CEP128: variants seen among roughly 807,000 people sequenced by gnomAD.
CEP128 encodes the protein centrosomal protein 128kDa.
Under a neutral mutation model 156.7 loss-of-function variants are expected in CEP128, and 132 were observed. That is an observed-to-expected ratio of 0.84 (90% CI 0.73 to 0.97). CEP128 has a LOEUF of 0.97. Among genes scored for constraint, CEP128 ranks in the 50% least tolerant of loss-of-function variants. The pLI is 0.00. For missense variants in CEP128, 1,252 were observed against 1,281.9 expected (o/e 0.98, Z 0.36); for synonymous variants, 469 against 448.9 (o/e 1.04, Z -0.57).
At chr14:80,662,840 G>A (rs1282196442) in intron 19 of CEP128, among the ~76,000 whole-genome samples, 1 of 152,128 alleles carries the variant, frequency 6.6e-6, no homozygotes, top group African/African-American at 2.4e-5. Context: ...TGATAGAAAT[G>A]TCCTATATCT....
chr14:80,567,203 T>G (rs1890950482), intron 20 of CEP128, among the ~76,000 whole-genome samples: 1 of 152,150 alleles, frequency 6.6e-6, no homozygotes, highest in South Asian at 2.1e-4. Flanking sequence ...GGTGGGTGTT[T>G]TAGTTTGTGG....
At chr14:80,782,521 T>C (rs953264312) in intron 15 of CEP128, among the ~76,000 whole-genome samples, 4 of 152,214 alleles carry the variant, frequency 2.6e-5, no homozygotes, top group Non-Finnish European at 4.4e-5. Flanking sequence ...TCATCTTCAC[T>C]GCTCCTAATT....
intron 4 of CEP128, among the ~76,000 whole-genome samples, chr14:80,908,333 C>A (rs1380384556): frequency 6.6e-6 from 1 of 152,098 alleles, no homozygotes; most frequent in African/African-American, 2.4e-5. Flanking sequence ...TACCTTTTTA[C>A]CAAATGCTGT....
intron 19 of CEP128, among the ~76,000 whole-genome samples, chr14:80,596,820 A>AAG (rs1491189810): frequency 1.2e-4 from 2 of 16,880 alleles, no homozygotes; most frequent in Non-Finnish European, 3.3e-4. Context: ...ACACTGTCAC[A>AAG]AAAAAAAAAA....
At chr14:80,737,382 C>T (rs541485565) in intron 19 of CEP128, among the ~76,000 whole-genome samples, 201 of 148,476 alleles carry the variant, frequency 1.4e-3, no homozygotes, top group African/African-American at 4.7e-3. Flanking sequence ...CCAGCCTGGG[C>T]GACAGAGCAA....
intron 14 of CEP128, among the ~76,000 whole-genome samples, chr14:80,482,680 G>A (rs1333352242): frequency 2.0e-5 from 3 of 152,176 alleles, no homozygotes; most frequent in East Asian, 1.9e-4. Context: ...TGAAAAAGCC[G>A]AACCTTGGGA....
chr14:80,485,235 C>T (rs987634675), intron 14 of CEP128, among the ~76,000 whole-genome samples: 1 of 152,014 alleles, frequency 6.6e-6, no homozygotes, highest in Admixed American at 6.6e-5. Context: ...GTAAAGGTTG[C>T]CCAAAAACAA....
Position 80,497,530 on chromosome 14 carries a change from G to A in CEP128, c.3234C>T (p.Ala1078=), listed in dbSNP as rs1887543371. 1 of 1,613,248 alleles carries A rather than the reference G, an allele frequency of 6.2e-7. No individual in the cohort carries two copies. The highest frequency in any genetic ancestry group is 8.5e-7 in the Non-Finnish European group (1 of 1,179,604). The part of the protein sequence containing the change: ...APDSASNKED[A]TMNGTSSQPK... Reference sequence around the variant, plus strand: ...GTTGTGAACTTGTTCCATTCATTGTGGCATCTTCCTTGTTTGAAGCTGAAT... The same window carrying A: ...GTTGTGAACTTGTTCCATTCATTGTAGCATCTTCCTTGTTTGAAGCTGAAT... Residue 1078 remains alanine (A), a synonymous_variant, in exon 25 of 25, where the codon GCC becomes GCT. Coordinates refer to ENST00000555265, the MANE Select transcript of CEP128 (RefSeq NM_152446.5).
chr14:80,769,323 C>A (rs564197758), intron 16 of CEP128, among the ~76,000 whole-genome samples: 2 of 150,282 alleles, frequency 1.3e-5, no homozygotes, highest in Non-Finnish European at 3.0e-5. Flanking sequence ...TACATGTGCA[C>A]AACGTGCAGG....
intron 21 of CEP128, among the ~76,000 whole-genome samples, chr14:80,546,102 G>T (rs1196485448): frequency 6.6e-6 from 1 of 152,204 alleles, no homozygotes; most frequent in Non-Finnish European, 1.5e-5. Flanking sequence ...AGGACAGAAT[G>T]CAAATGTCCT....
At chr14:80,580,232 A>G (rs1891527454) in intron 20 of CEP128, 142 bp downstream of exon 20, 1 of 529,856 alleles carries the variant, frequency 1.9e-6, no homozygotes, top group South Asian at 3.6e-5. Flanking sequence ...TTCTAAAGGA[A>G]GCAAATTCCA....
At position 80,762,740 on chromosome 14, in the gene CEP128, T is replaced by C. The variant is rs551166228; in HGVS notation, c.2377-1127A>G. The stretch of plus-strand genomic sequence containing the variant: ...CATCTTAAATCTGCCTACATATGTC[T>C]CCCCAGACCACATCTGACTTGTACA... On this transcript the variant is annotated intron_variant, in intron 16 of 24. Coordinates refer to ENST00000555265, the MANE Select transcript of CEP128 (RefSeq NM_152446.5). 4.6e-5 allele frequency among the ~76,000 whole-genome samples: 7 copies of C among 152,250 alleles called. No individual in the cohort carries two copies. In the East Asian group the frequency reaches 1.4e-3, roughly 29 times the overall value.
chr14:80,841,577 T>A (rs773141991), intron 9 of CEP128, among the ~76,000 whole-genome samples: 27 of 152,044 alleles, frequency 1.8e-4, no homozygotes, highest in Non-Finnish European at 3.5e-4. Context: ...TTCTTACATA[T>A]AATAAATAAA....
chr14:80,705,302 T>TG (rs1897205067), intron 19 of CEP128, among the ~76,000 whole-genome samples: 1 of 148,310 alleles, frequency 6.7e-6, no homozygotes. Flanking sequence ...GTGTGTGTGT[T>TG]TTGTTTTTTT....
chr14:80,484,949 T>A (rs538585272), intron 14 of CEP128, among the ~76,000 whole-genome samples: 1 of 152,242 alleles, frequency 6.6e-6, no homozygotes, highest in African/African-American at 2.4e-5. Context: ...GGTAGAGAAA[T>A]CTGACCTCAA....
intron 17 of CEP128, among the ~76,000 whole-genome samples, chr14:80,759,143 A>G (rs968523031): frequency 1.3e-5 from 2 of 152,228 alleles, no homozygotes; most frequent in African/African-American, 4.8e-5. Flanking sequence ...TTGTTTTACA[A>G]TTGTAGTGTA....
At chr14:80,555,873 TTA>T (rs201063801) in intron 21 of CEP128, among the ~76,000 whole-genome samples, 2,818 of 152,222 alleles carry the variant, frequency 0.019, 41 homozygotes, top group Non-Finnish European at 0.026. Context: ...TGAAAATGCA[TTA>T]TCTTTTTCAT....
intron 19 of CEP128, among the ~76,000 whole-genome samples, chr14:80,714,360 G>A (rs1037145565): frequency 4.0e-5 from 6 of 151,896 alleles, no homozygotes; most frequent in African/African-American, 1.5e-4. Context: ...CTCATTTAGG[G>A]TATAAACACC....
At chr14:80,740,543 T>C (rs8023021) in intron 19 of CEP128, among the ~76,000 whole-genome samples, 83,426 of 142,132 alleles carry the variant, frequency 0.59, 25,750 homozygotes, top group Middle Eastern at 0.69. Context: ...GATAGATAGA[T>C]AGACAGACAG....
Sources: allele counts gnomAD v4.1 joint callset (sites outside exome capture counted in the v4.1 genomes callset), GRCh38; gene constraint gnomAD v4.1.1; transcripts MANE v1.5; gene names NCBI Gene and HGNC (gene_info 2026-07-23, HGNC 2026-07-21).